Variants in BIN3 observed in about 807,000 individuals in gnomAD.
BIN3 encodes the protein bridging integrator 3.
Under a neutral mutation model 38.2 loss-of-function variants are expected in BIN3, and 41 were observed. The observed-to-expected ratio is 1.07, with a 90% confidence interval of 0.84 to 1.39. The LOEUF (loss-of-function observed/expected upper bound fraction) is 1.39. Ranked by LOEUF, BIN3 falls within the 40% of genes most tolerant of loss-of-function variation. BIN3 has a pLI of 0.00. For synonymous variants in BIN3, 145 were observed against 122.6 expected, an observed-to-expected ratio of 1.18 and a Z score of -1.21; for missense variants, 361 against 324.3, an observed-to-expected ratio of 1.11 and a Z score of -0.87.
intron 1 of BIN3, among the ~76,000 whole-genome samples, chr8:22,660,618 G>A (rs1803202177): frequency 6.6e-6 from 1 of 152,190 alleles, no homozygotes; most frequent in South Asian, 2.1e-4. Context: ...TGGGGCAGGG[G>A]CGGGGGGCGC....
At chr8:22,635,850 C>T (rs1371900819) in intron 4 of BIN3, among the ~76,000 whole-genome samples, 1 of 152,148 alleles carries the variant, frequency 6.6e-6, no homozygotes, top group Admixed American at 6.5e-5. Flanking sequence ...CTCGTCGCCT[C>T]CTTCCTGGGA....
Position 22,621,532 on chromosome 8 carries a change from C to A in BIN3, c.652G>T (p.Asp218Tyr), listed in dbSNP as rs774444271. ...GGCTGGTCAAGCTGATGGGACAGGT[C>A]TCCAAAGATCTTGTGCATTTCCGAG... ...YYSEMHKIFG[D>Y]LSHQLDQPGH... Residue 218 changes from aspartate (D) to tyrosine (Y), a missense_variant, in exon 9 of 9, where the codon GAC becomes TAC. Physicochemically the swap from Asp to Tyr is radical, Grantham distance 160 (BLOSUM62 -3). Coordinates refer to ENST00000276416, the MANE Select transcript of BIN3 (RefSeq NM_018688.6). The A allele has an allele frequency of 6.2e-7, 1 of 1,613,782 alleles. No individual in the cohort carries two copies. The highest frequency in any genetic ancestry group is 1.3e-5 in the African/African-American group (1 of 74,954).
chr8:22,628,077 G>A (rs1425926635), intron 6 of BIN3, among the ~76,000 whole-genome samples: 2 of 152,236 alleles, frequency 1.3e-5, no homozygotes, highest in Non-Finnish European at 2.9e-5. Flanking sequence ...GAGGGAAGGT[G>A]AGCGAGGCCG....
intron 1 of BIN3, among the ~76,000 whole-genome samples, chr8:22,663,499 T>G (rs1803310586): frequency 6.6e-6 from 1 of 151,930 alleles, no homozygotes; most frequent in African/African-American, 2.4e-5. Flanking sequence ...TTGGCTCCAT[T>G]TTTTCTCTTC....
intron 4 of BIN3, among the ~76,000 whole-genome samples, chr8:22,635,046 T>C (rs1220190342): frequency 1.3e-5 from 2 of 152,166 alleles, no homozygotes; most frequent in African/African-American, 4.8e-5. Flanking sequence ...TTCTCCACCC[T>C]CCTGCTGCCT....
At chr8:22,654,665 CTTTTA>C (rs1300011026) in intron 1 of BIN3, among the ~76,000 whole-genome samples, 2 of 152,122 alleles carry the variant, frequency 1.3e-5, no homozygotes, top group Non-Finnish European at 2.9e-5. Flanking sequence ...GTACTTCATC[CTTTTA>C]TTTTTTTAAT....
intron 4 of BIN3, among the ~76,000 whole-genome samples, chr8:22,633,898 C>G (rs969433825): frequency 6.6e-6 from 1 of 152,262 alleles, no homozygotes; most frequent in Non-Finnish European, 1.5e-5. Context: ...TTCAGAGGCA[C>G]TGTCTCTGCC....
At chr8:22,624,798 TTTTAAA>T (rs1801955094) in intron 6 of BIN3, 1 of 194,050 alleles carries the variant, frequency 5.2e-6, no homozygotes, top group Admixed American at 5.6e-5. Flanking sequence ...AACACCTCAC[TTTTAAA>T]AAGGAGGGAA....
At chr8:22,642,606 T>C (rs1237020057) in intron 2 of BIN3, among the ~76,000 whole-genome samples, 1 of 152,220 alleles carries the variant, frequency 6.6e-6, no homozygotes, top group African/African-American at 2.4e-5. Flanking sequence ...TGGGGACTTA[T>C]TTTGTGCCAG....
At chr8:22,654,480 T>C (rs947851385) in intron 1 of BIN3, among the ~76,000 whole-genome samples, 2 of 152,184 alleles carry the variant, frequency 1.3e-5, no homozygotes, top group African/African-American at 4.8e-5. Flanking sequence ...CCCACACCTA[T>C]TAGCAAACAA....
intron 4 of BIN3, among the ~76,000 whole-genome samples, chr8:22,631,679 C>G (rs1367371227): frequency 6.6e-6 from 1 of 152,198 alleles, no homozygotes; most frequent in Non-Finnish European, 1.5e-5. Flanking sequence ...CCATCAGGCT[C>G]TGTCCATCAG....
intron 1 of BIN3, among the ~76,000 whole-genome samples, chr8:22,647,316 T>G (rs548016127): frequency 1.3e-5 from 2 of 152,308 alleles, no homozygotes; most frequent in South Asian, 4.1e-4. Flanking sequence ...CTTAATTTAG[T>G]ATCACGGTAT....
chr8:22,632,284 C>T (rs1267098626), intron 4 of BIN3, among the ~76,000 whole-genome samples: 6 of 152,166 alleles, frequency 3.9e-5, no homozygotes, highest in Non-Finnish European at 7.4e-5. Flanking sequence ...CTGCGCTCCC[C>T]GGGGAAGGGT....
intron 6 of BIN3, among the ~76,000 whole-genome samples, chr8:22,628,973 G>A (rs1283351683): frequency 6.6e-6 from 1 of 152,248 alleles, no homozygotes; most frequent in Non-Finnish European, 1.5e-5. Flanking sequence ...GGGGGCCAGG[G>A]CCGGAGCCGG....
At position 22,636,300 on chromosome 8, in the gene BIN3, A is replaced by G. The variant is rs146711020; in HGVS notation, c.160+225T>C. On this transcript the variant is annotated intron_variant, in intron 4 of 8. Transcript: ENST00000276416. Reference sequence around the variant, plus strand: ...GCTGTACTGTCCTGACTGGAGTCCCAGGAGAGCCTTGCCCCAGCACCCACA... The same window carrying G: ...GCTGTACTGTCCTGACTGGAGTCCCGGGAGAGCCTTGCCCCAGCACCCACA... Among the ~76,000 whole-genome samples the G allele has an allele frequency of 6.4e-3, 974 of 152,338 alleles. 17 individuals carry two copies. The highest frequency in any genetic ancestry group is 0.023 in the African/African-American group (937 of 41,570).
At chr8:22,651,699 T>A (rs1479118252) in intron 1 of BIN3, among the ~76,000 whole-genome samples, 1 of 152,248 alleles carries the variant, frequency 6.6e-6, no homozygotes, top group Non-Finnish European at 1.5e-5. Flanking sequence ...ATCCTTTGTA[T>A]ATAACCTGTT....
chr8:22,651,932 T>G (rs1032845954), intron 1 of BIN3, among the ~76,000 whole-genome samples: 1 of 152,130 alleles, frequency 6.6e-6, no homozygotes, highest in Non-Finnish European at 1.5e-5. Flanking sequence ...CTGACCCTCC[T>G]TGGCTGGTCC....
intron 6 of BIN3, among the ~76,000 whole-genome samples, chr8:22,629,011 C>T (rs1212565821): frequency 6.6e-5 from 10 of 152,228 alleles, no homozygotes; most frequent in South Asian, 2.1e-4. Flanking sequence ...TCCCTGCCTT[C>T]GCTGAGCCTC....
chr8:22,653,900 G>T (rs1056215588), intron 1 of BIN3, among the ~76,000 whole-genome samples: 1 of 135,230 alleles, frequency 7.4e-6, no homozygotes, highest in African/African-American at 2.7e-5. Flanking sequence ...GGGGGTTGGG[G>T]TGTAGGACTC....
Sources: allele counts gnomAD v4.1 joint callset (sites outside exome capture counted in the v4.1 genomes callset), GRCh38; gene constraint gnomAD v4.1.1; transcripts MANE v1.5; gene names NCBI Gene and HGNC (gene_info 2026-07-23, HGNC 2026-07-21).